Variants in COL8A1 observed in about 807,000 individuals in gnomAD.
COL8A1 encodes the protein collagen alpha-1(VIII) chain.
COL8A1 carries 21 observed loss-of-function variants against 42.7 expected under a neutral mutation model. That is an observed-to-expected ratio of 0.49 (90% confidence interval 0.35 to 0.71). The LOEUF (loss-of-function observed/expected upper bound fraction) is 0.71. Ranked by LOEUF, COL8A1 falls within the 30% of genes least tolerant of loss-of-function variation. The pLI is 0.01. For synonymous variants in COL8A1, 367 were observed against 369.1 expected (o/e 0.99, Z 0.06); for missense variants, 788 against 962.4 (o/e 0.82, Z 2.40).
chr3:99,752,592 C>T (rs112502891), intron 2 of COL8A1, among the ~76,000 whole-genome samples: 14 of 152,206 alleles, frequency 9.2e-5, no homozygotes, highest in Middle Eastern at 3.4e-3. Flanking sequence ...TACCTAATCC[C>T]TGATTGCACT....
chr3:99,767,944 G>A (rs1392441032), intron 2 of COL8A1, among the ~76,000 whole-genome samples: 1 of 152,160 alleles, frequency 6.6e-6, no homozygotes, highest in East Asian at 1.9e-4. Context: ...CCATTCTCCT[G>A]TTGAAGGTGA....
At chr3:99,731,764 G>A (rs1451617511) in intron 1 of COL8A1, among the ~76,000 whole-genome samples, 2 of 152,108 alleles carry the variant, frequency 1.3e-5, no homozygotes. Context: ...TGGTAGAAAC[G>A]GAGGTATCAA....
intron 2 of COL8A1, among the ~76,000 whole-genome samples, chr3:99,772,475 T>G (rs1038024524): frequency 6.6e-6 from 1 of 151,988 alleles, no homozygotes; most frequent in Admixed American, 6.6e-5. Context: ...GAGGTTTCAG[T>G]GTAGGTTCAT....
chr3:99,787,745 C>T (rs1247978404), intron 2 of COL8A1, among the ~76,000 whole-genome samples: 1 of 152,138 alleles, frequency 6.6e-6, no homozygotes, highest in Non-Finnish European at 1.5e-5. Context: ...AGTCTTTTGA[C>T]TTCTTTGACA....
In COL8A1 at chr3:99,794,276, G is replaced by A. The variant is rs1275401474; in HGVS notation, c.375G>A (p.Glu125=). The change falls in exon 4 of 4, where the codon GAG becomes GAA. Residue 125 remains glutamate (E), a synonymous_variant. Transcript: ENST00000652472. This position sits in a 1 kb window ranked among gnomAD's most constrained non-coding sequence, Gnocchi z 4.3. ...GAGGGGAACAAGGTCCCCGTGGAGAGCCTGGCCCAAGAGGACCACCTGGGC... is the reference window on the plus strand; with the variant it reads ...GAGGGGAACAAGGTCCCCGTGGAGAACCTGGCCCAAGAGGACCACCTGGGC... The part of the protein sequence containing the change: ...SLRGEQGPRG[E]PGPRGPPGPP... The A allele has an allele frequency of 6.2e-7, 1 of 1,609,754 alleles. No individual in the cohort carries two copies. Among genetic ancestry groups the A allele is most frequent in the African/African-American group, 1.3e-5 (1 of 74,538 alleles).
intron 1 of COL8A1, among the ~76,000 whole-genome samples, chr3:99,730,028 A>C (rs1559620216): frequency 6.6e-6 from 1 of 152,138 alleles, no homozygotes; most frequent in South Asian, 2.1e-4. Context: ...AGCATCCCTT[A>C]AAAAACTTGA....
At chr3:99,671,911 T>A (rs1257557503) in intron 1 of COL8A1, among the ~76,000 whole-genome samples, 2 of 152,040 alleles carry the variant, frequency 1.3e-5, no homozygotes, top group Non-Finnish European at 2.9e-5. Flanking sequence ...GATATAGACA[T>A]CAAATTTTGA....
At chr3:99,702,828 T>C (rs1370777896) in intron 1 of COL8A1, among the ~76,000 whole-genome samples, 1 of 152,154 alleles carries the variant, frequency 6.6e-6, no homozygotes, top group Non-Finnish European at 1.5e-5. Context: ...GAGAAAAATA[T>C]AGGAAGCTGA....
intron 1 of COL8A1, among the ~76,000 whole-genome samples, chr3:99,734,024 A>G (rs1219878753): frequency 6.6e-6 from 1 of 151,884 alleles, no homozygotes; most frequent in Non-Finnish European, 1.5e-5. Flanking sequence ...AATTTGTTTG[A>G]GTTCATTGTA....
At chr3:99,788,470 C>T (rs1576477273) in intron 2 of COL8A1, among the ~76,000 whole-genome samples, 1 of 152,190 alleles carries the variant, frequency 6.6e-6, no homozygotes, top group African/African-American at 2.4e-5. Flanking sequence ...TTAAAGACTT[C>T]ACCACAAGTC....
intron 1 of COL8A1, among the ~76,000 whole-genome samples, chr3:99,685,967 A>G (rs1939038161): frequency 6.6e-6 from 1 of 152,170 alleles, no homozygotes; most frequent in Non-Finnish European, 1.5e-5. Context: ...TGGCTCTAAT[A>G]AATCTTAATA....
chr3:99,773,837 ATTT>A (rs1172723632), intron 2 of COL8A1, among the ~76,000 whole-genome samples: 14 of 45,396 alleles, frequency 3.1e-4, no homozygotes, highest in African/African-American at 1.7e-3. Context: ...ATATATATAT[ATTT>A]TTTTTTTTTT....
intron 1 of COL8A1, among the ~76,000 whole-genome samples, chr3:99,722,793 C>T (rs1940193222): frequency 6.6e-6 from 1 of 152,072 alleles, no homozygotes; most frequent in African/African-American, 2.4e-5. Flanking sequence ...GACTATCGTC[C>T]ACCCATTCCA....
At chr3:99,679,360 C>T (rs1282764924) in intron 1 of COL8A1, 2 of 152,152 alleles carry the variant, frequency 1.3e-5, no homozygotes, top group Non-Finnish European at 2.9e-5. Flanking sequence ...ACCCTTCACA[C>T]CTATGTTCTC....
At chr3:99,663,243 G>A (rs193143656) in intron 1 of COL8A1, among the ~76,000 whole-genome samples, 97 of 152,244 alleles carry the variant, frequency 6.4e-4, no homozygotes, top group Non-Finnish European at 1.0e-3. Context: ...AGAGCTCACT[G>A]CAGCCTCGAA....
intron 1 of COL8A1, among the ~76,000 whole-genome samples, chr3:99,734,887 TA>T (rs1455202471): frequency 1.3e-5 from 2 of 152,230 alleles, no homozygotes; most frequent in Non-Finnish European, 2.9e-5. Flanking sequence ...GTTGGATTCC[TA>T]GGTATTTTAT....
chr3:99,700,146 C>T (rs1050709544), intron 1 of COL8A1, among the ~76,000 whole-genome samples: 6 of 152,102 alleles, frequency 3.9e-5, no homozygotes, highest in African/African-American at 1.4e-4. Context: ...ATGCTAACAA[C>T]AAGGTACGAG....
intron 2 of COL8A1, among the ~76,000 whole-genome samples, chr3:99,786,523 T>G (rs1390565703): frequency 6.6e-6 from 1 of 152,208 alleles, no homozygotes; most frequent in East Asian, 1.9e-4. Flanking sequence ...CCCAGCCTCA[T>G]GAACACTGAG....
At chr3:99,724,107 G>C (rs956408954) in intron 1 of COL8A1, among the ~76,000 whole-genome samples, 2 of 152,044 alleles carry the variant, frequency 1.3e-5, no homozygotes, top group Admixed American at 1.3e-4. Context: ...CCATGTGACC[G>C]TCCTTGACAA....
Sources: allele counts gnomAD v4.1 joint callset (sites outside exome capture counted in the v4.1 genomes callset), GRCh38; gene constraint gnomAD v4.1.1; non-coding constraint Gnocchi (gnomAD v3.1); transcripts MANE v1.5; gene names NCBI Gene and HGNC (gene_info 2026-07-23, HGNC 2026-07-21).